The following PBX1 variants were observed in gnomAD, a reference collection of about 807,000 sequenced individuals.
PBX1 encodes the protein pre-B-cell leukemia transcription factor 1.
A neutral mutation model predicts 53.4 loss-of-function variants in PBX1; 6 were observed. The observed-to-expected ratio is 0.11, with a 90% CI of 0.06 to 0.22. The LOEUF is 0.22. Among genes scored for constraint, PBX1 ranks in the 10% least tolerant of loss-of-function variants. PBX1 has a pLI of 1.00. For synonymous variants in PBX1, 204 were observed against 212.3 expected, an observed-to-expected ratio of 0.96 and a Z score of 0.34; for missense variants, 251 against 551.4, an observed-to-expected ratio of 0.46 and a Z score of 5.46.
At chr1:164,694,754 A>G (rs1662710412) in intron 2 of PBX1, among the ~76,000 whole-genome samples, 1 of 152,188 alleles carries the variant, frequency 6.6e-6, no homozygotes, top group South Asian at 2.1e-4. Flanking sequence ...ATTTGTGTTG[A>G]TACTACCAGC....
intron 2 of PBX1, among the ~76,000 whole-genome samples, chr1:164,569,881 A>G (rs1156511190): frequency 6.6e-6 from 1 of 152,134 alleles, no homozygotes; most frequent in Non-Finnish European, 1.5e-5. Flanking sequence ...TATTCTCTTA[A>G]AGTGAGAATT....
rs1659053224 is a variant in PBX1, at chr1:164,640,469, A to G, written c.265+77158A>G. 3.9e-5 allele frequency among the ~76,000 whole-genome samples: 6 copies of G among 151,928 alleles called. No individual in the cohort carries two copies. In the South Asian group the frequency reaches 1.0e-3, roughly 26 times the overall value. ...GCAGATTGCTCCTGGTGCAACACAC[A>G]TACTGGGAAACGATGTGATGACACT... On this transcript the variant is annotated intron_variant, in intron 2 of 8. Transcript: ENST00000420696.
At chr1:164,587,002 G>A (rs1331142460) in intron 2 of PBX1, among the ~76,000 whole-genome samples, 1 of 152,186 alleles carries the variant, frequency 6.6e-6, no homozygotes, top group African/African-American at 2.4e-5. Context: ...CAGCAGCTCT[G>A]CGTTGTAAGG....
rs942526522 is a variant in PBX1 at position 164,796,492 on chromosome 1, G to A, written c.511-3207G>A. On this transcript the variant is annotated intron_variant, in intron 3 of 8. Transcript: ENST00000420696. ...AATCTCTAATGTTGAACTGGACTGGGTTAATTCAGTTCATAGCTAAGAGAG... is the reference window on the plus strand; with the variant it reads ...AATCTCTAATGTTGAACTGGACTGGATTAATTCAGTTCATAGCTAAGAGAG... 4.6e-5 allele frequency among the ~76,000 whole-genome samples: 7 copies of A among 152,112 alleles called. No homozygotes were observed. The East Asian group carries it at 1.2e-3, about 25-fold the overall frequency.
chr1:164,736,772 A>G (rs557917799), intron 2 of PBX1, among the ~76,000 whole-genome samples: 2 of 152,318 alleles, frequency 1.3e-5, no homozygotes, highest in South Asian at 4.1e-4. Flanking sequence ...GAGAACATGC[A>G]TAAAAATCAG....
At chr1:164,862,398 C>G (rs1672121888) in intron 2 of PBX1, among the ~76,000 whole-genome samples, 1 of 152,180 alleles carries the variant, frequency 6.6e-6, no homozygotes, top group South Asian at 2.1e-4. Context: ...TCTTGTAGCA[C>G]TCATCCTATT....
At chr1:164,868,199 C>T (rs1672264406) in intron 2 of PBX1, among the ~76,000 whole-genome samples, 2 of 152,260 alleles carry the variant, frequency 1.3e-5, no homozygotes, top group Admixed American at 6.5e-5. Flanking sequence ...TGAGCCACAG[C>T]CAGAGGTGAC....
At chr1:164,694,861 T>G (rs1398718605) in intron 2 of PBX1, among the ~76,000 whole-genome samples, 1 of 152,230 alleles carries the variant, frequency 6.6e-6, no homozygotes, top group Non-Finnish European at 1.5e-5. Context: ...TCATCCTAAG[T>G]CAGGCACTCA....
intron 2 of PBX1, among the ~76,000 whole-genome samples, chr1:164,586,360 GAATGTTC>G (rs1654952632): frequency 1.3e-5 from 2 of 152,230 alleles, no homozygotes; most frequent in South Asian, 4.1e-4. Flanking sequence ...GGCACGTGAT[GAATGTTC>G]AATAAATGCA....
At chr1:164,598,357 GCT>G (rs1222076432) in intron 2 of PBX1, among the ~76,000 whole-genome samples, 1 of 152,014 alleles carries the variant, frequency 6.6e-6, no homozygotes, top group Non-Finnish European at 1.5e-5. Flanking sequence ...AGAGACCAGA[GCT>G]GGAAAATTTC....
Position 164,572,873 on chromosome 1 carries a change from A to G in PBX1, c.265+9562A>G, listed in dbSNP as rs183822598. Among the ~76,000 whole-genome samples, 14 of 152,130 alleles carry G rather than the reference A, an allele frequency of 9.2e-5. No homozygotes were observed. The East Asian group carries it at 2.7e-3, about 29-fold the overall frequency. ...GTCGGTTCAGGTTGAGTTTTCTACT[A>G]CCTCTGTCCGGGAGTTTTAGAGGTT... On this transcript the variant is annotated intron_variant, in intron 2 of 8. Coordinates refer to ENST00000420696, the MANE Select transcript of PBX1 (RefSeq NM_002585.4).
At chr1:164,808,722 G>A (rs1669468202) in intron 5 of PBX1, among the ~76,000 whole-genome samples, 1 of 152,158 alleles carries the variant, frequency 6.6e-6, no homozygotes, top group South Asian at 2.1e-4. Flanking sequence ...ACAGAATTAG[G>A]TCCAGTCAGA....
chr1:164,607,736 A>T (rs1294225123), intron 2 of PBX1, among the ~76,000 whole-genome samples: 3 of 152,132 alleles, frequency 2.0e-5, no homozygotes, highest in African/African-American at 7.2e-5. Context: ...TGAGAAGGCC[A>T]AATATTTGGC....
chr1:164,583,224 T>G (rs1210491049), intron 2 of PBX1, among the ~76,000 whole-genome samples: 2 of 152,036 alleles, frequency 1.3e-5, no homozygotes, highest in Non-Finnish European at 2.9e-5. Flanking sequence ...TACACTCTCA[T>G]TACAGCCAGC....
At chr1:164,649,060 C>T (rs553430938) in intron 2 of PBX1, among the ~76,000 whole-genome samples, 1 of 152,214 alleles carries the variant, frequency 6.6e-6, no homozygotes, top group Admixed American at 6.5e-5. Context: ...TCATTCTGGA[C>T]CTGGATCATT....
chr1:164,826,801 A>G (rs935283141), intron 8 of PBX1, among the ~76,000 whole-genome samples: 3 of 152,196 alleles, frequency 2.0e-5, no homozygotes, highest in African/African-American at 7.2e-5. Context: ...TTTCTTATTC[A>G]AAAGGTTTGG....
At chr1:164,748,067 C>T (rs1315406983) in intron 2 of PBX1, among the ~76,000 whole-genome samples, 1 of 152,044 alleles carries the variant, frequency 6.6e-6, no homozygotes, top group Non-Finnish European at 1.5e-5. Flanking sequence ...GGGCACCATT[C>T]GTGTTTTTGC....
At chr1:164,803,337 C>T (rs540540173) in intron 4 of PBX1, among the ~76,000 whole-genome samples, 1 of 152,240 alleles carries the variant, frequency 6.6e-6, no homozygotes, top group South Asian at 2.1e-4. Context: ...AGAGAGAGGG[C>T]CTAAAATACT....
chr1:164,675,270 C>T, intron 2 of PBX1, among the ~76,000 whole-genome samples: 1 of 152,124 alleles, frequency 6.6e-6, no homozygotes, highest in East Asian at 1.9e-4. Context: ...TTTATTCTAC[C>T]TCTGTCACCT....
Sources: allele counts gnomAD v4.1 joint callset (sites outside exome capture counted in the v4.1 genomes callset), GRCh38; gene constraint gnomAD v4.1.1; transcripts MANE v1.5; gene names NCBI Gene and HGNC (gene_info 2026-07-23, HGNC 2026-07-21).